The following SDK1 variants were observed in gnomAD, a reference collection of about 807,000 sequenced individuals.
SDK1 encodes the protein protein sidekick-1.
SDK1 carries 157 observed loss-of-function variants against 245.5 expected under a neutral mutation model. The observed-to-expected ratio is 0.64, with a 90% CI of 0.56 to 0.73. SDK1 has a LOEUF of 0.73. Among genes scored for constraint, SDK1 ranks in the 30% least tolerant of loss-of-function variants. The pLI is 0.00. For synonymous variants in SDK1, 1,647 were observed against 1,278.5 expected, an observed-to-expected ratio of 1.29 and a Z score of -6.15; for missense variants, 3,583 against 3,002.3, an observed-to-expected ratio of 1.19 and a Z score of -4.52.
chr7:3,797,061 C>T (rs769821270), intron 4 of SDK1, among the ~76,000 whole-genome samples: 7 of 150,838 alleles, frequency 4.6e-5, no homozygotes, highest in Non-Finnish European at 8.8e-5. Context: ...CTCTGGAGTG[C>T]AGTGGTGCAG....
intron 1 of SDK1, among the ~76,000 whole-genome samples, chr7:3,429,898 A>G (rs989797332): frequency 1.3e-5 from 2 of 152,128 alleles, no homozygotes; most frequent in African/African-American, 2.4e-5. Context: ...ATATAGAGAC[A>G]CATATGGAGA....
At chr7:3,943,195 A>G (rs1422778027) in intron 5 of SDK1, among the ~76,000 whole-genome samples, 1 of 152,162 alleles carries the variant, frequency 6.6e-6, no homozygotes, top group Non-Finnish European at 1.5e-5. Context: ...TTTCCTGAAA[A>G]TAGAAGGCTG....
At chr7:3,803,259 C>T (rs1353317100) in intron 4 of SDK1, among the ~76,000 whole-genome samples, 1 of 151,686 alleles carries the variant, frequency 6.6e-6, no homozygotes, top group Non-Finnish European at 1.5e-5. Flanking sequence ...TGGTCAAATG[C>T]TTCTTGTTGT....
chr7:4,154,491 G>A lies in SDK1; in HGVS notation c.4626-3957G>A, dbSNP rs575736870. 1.9e-4 allele frequency among the ~76,000 whole-genome samples: 29 copies of A among 152,242 alleles called. No individual in the cohort carries two copies. The South Asian group carries it at 3.3e-3, about 17-fold the overall frequency. ...AGGCATGGGGAATGAGCAAAGGCCC[G>A]GGGAGTCACCAGGCAGCATCAGTGG... On this transcript the variant is annotated intron_variant, in intron 30 of 44. Coordinates refer to ENST00000404826, the MANE Select transcript of SDK1 (RefSeq NM_152744.4).
intron 1 of SDK1, among the ~76,000 whole-genome samples, chr7:3,324,965 A>G (rs1779906121): frequency 6.6e-6 from 1 of 152,146 alleles, no homozygotes; most frequent in Non-Finnish European, 1.5e-5. Context: ...AGCTTTAGGA[A>G]ACTGTATTCA....
At chr7:3,574,340 A>G (rs1194152298) in intron 1 of SDK1, among the ~76,000 whole-genome samples, 1 of 151,164 alleles carries the variant, frequency 6.6e-6, no homozygotes, top group Non-Finnish European at 1.5e-5. Flanking sequence ...CTGGTTTCGA[A>G]CTCCTGACCT....
At chr7:3,761,659 G>A (rs538952810) in intron 4 of SDK1, among the ~76,000 whole-genome samples, 1 of 151,752 alleles carries the variant, frequency 6.6e-6, no homozygotes, top group African/African-American at 2.4e-5. Context: ...TAGGATGCTG[G>A]AGCGCAGAGA....
chr7:4,025,441 T>G (rs1186809537), intron 17 of SDK1, among the ~76,000 whole-genome samples: 1 of 152,186 alleles, frequency 6.6e-6, no homozygotes, highest in East Asian at 1.9e-4. Flanking sequence ...TTAGCATCTG[T>G]ATCGGTGCAG....
chr7:3,355,950 T>G (rs1780782241), intron 1 of SDK1, among the ~76,000 whole-genome samples: 1 of 152,186 alleles, frequency 6.6e-6, no homozygotes, highest in Non-Finnish European at 1.5e-5. Context: ...ATTCATGGTA[T>G]TTCTCCAGCT....
intron 5 of SDK1, among the ~76,000 whole-genome samples, chr7:3,825,069 A>G (rs1330293823): frequency 1.3e-5 from 2 of 152,138 alleles, no homozygotes; most frequent in Non-Finnish European, 2.9e-5. Flanking sequence ...TGTTAAGGAC[A>G]TAGGTGGGAC....
At chr7:3,747,562 ATAGAG>A (rs1387820493) in intron 4 of SDK1, among the ~76,000 whole-genome samples, 1 of 152,222 alleles carries the variant, frequency 6.6e-6, no homozygotes, top group East Asian at 1.9e-4. Context: ...AGCACTAGGA[ATAGAG>A]TAGTGATGAA....
At chr7:3,461,526 G>A (rs1332400431) in intron 1 of SDK1, among the ~76,000 whole-genome samples, 3 of 152,192 alleles carry the variant, frequency 2.0e-5, no homozygotes, top group African/African-American at 7.2e-5. Flanking sequence ...AGCAACAGTT[G>A]CTGTGGAGTG....
intron 13 of SDK1, among the ~76,000 whole-genome samples, chr7:3,975,838 A>G (rs916979108): frequency 3.3e-5 from 5 of 152,192 alleles, no homozygotes; most frequent in Non-Finnish European, 7.4e-5. Flanking sequence ...AGGAGTCCCC[A>G]TGGCTCTACA....
Position 4,205,863 on chromosome 7 carries a change from A to T in SDK1, c.5099-16A>T, listed in dbSNP as rs111271617. On this transcript the variant is annotated splice_polypyrimidine_tract_variant and intron_variant, in intron 35 of 44. Coordinates refer to ENST00000404826, the MANE Select transcript of SDK1 (RefSeq NM_152744.4). ...AATGAACGTCTCAGCTTCTCTCCGC[A>T]TTGCTCTTTCCTCAGCCCCGGCCAT... is the stretch of plus-strand genomic sequence containing the variant. The T allele has an allele frequency of 4.5e-6, 7 of 1,546,960 alleles. No homozygotes were observed. The African/African-American group carries it at 5.5e-5, about 12-fold the overall frequency.
intron 4 of SDK1, among the ~76,000 whole-genome samples, chr7:3,672,759 T>TATATATATA (rs1554307103): frequency 3.9e-5 from 2 of 50,756 alleles, no homozygotes; most frequent in African/African-American, 1.7e-4. Flanking sequence ...ATATATAATT[T>TATATATATA]TATATATATA....
intron 4 of SDK1, among the ~76,000 whole-genome samples, chr7:3,646,980 G>T (rs941598904): frequency 6.6e-6 from 1 of 152,208 alleles, no homozygotes; most frequent in Non-Finnish European, 1.5e-5. Flanking sequence ...TATGTTTAAT[G>T]GGTACAGAGT....
At chr7:3,951,681 C>T (rs1780845142) in intron 6 of SDK1, 49 bp from the exon 7 acceptor site, 3 of 1,556,750 alleles carry the variant, frequency 1.9e-6, no homozygotes, top group Non-Finnish European at 2.6e-6. Context: ...TGACCGTTGC[C>T]ACCTCCCTGA....
rs762644308 is a variant in SDK1, at chr7:4,113,445, T to C, written c.3585+6T>C. The C allele has an allele frequency of 1.1e-5, 17 of 1,612,832 alleles. No individual in the cohort carries two copies. The highest frequency in any genetic ancestry group is 1.4e-5 in the Non-Finnish European group (16 of 1,179,824). ...GCCTGCGGCTTCGCTGGGTGGTGAGTGGGGGTGAGAAGGGAGGCTGGAGGC... is the reference window on the plus strand; with the variant it reads ...GCCTGCGGCTTCGCTGGGTGGTGAGCGGGGGTGAGAAGGGAGGCTGGAGGC... On this transcript the variant is annotated splice_donor_region_variant and intron_variant, in intron 24 of 44. Coordinates refer to ENST00000404826, the MANE Select transcript of SDK1 (RefSeq NM_152744.4).
intron 1 of SDK1, among the ~76,000 whole-genome samples, chr7:3,335,250 C>T (rs150028723): frequency 1.3e-5 from 2 of 152,296 alleles, no homozygotes; most frequent in South Asian, 2.1e-4. Context: ...AAAATCCTTG[C>T]TGTGGCCTAC....
Sources: gnomAD v4.1 joint callset for allele counts (sites outside exome capture counted in the v4.1 genomes callset) on GRCh38, gnomAD v4.1.1 for gene constraint, MANE v1.5 for transcripts, NCBI Gene and HGNC (gene_info 2026-07-23, HGNC 2026-07-21) for gene names.